Variants in UNC79 observed in about 807,000 individuals in gnomAD.
The protein encoded by UNC79 is unc-79 subunit of NALCN channel complex.
Under a neutral mutation model 283.1 loss-of-function variants are expected in UNC79, and 37 were observed. That is an observed-to-expected ratio of 0.13 (90% CI 0.10 to 0.17). The LOEUF is 0.17. Among genes scored for constraint, UNC79 ranks in the 10% least tolerant of loss-of-function variants. The probability of loss-of-function intolerance (pLI) is 1.00; values close to 1 mark genes in which losing one functional copy is unlikely to be tolerated. For missense variants in UNC79, 2,272 were observed against 3,211.1 expected, an observed-to-expected ratio of 0.71 and a Z score of 7.07; for synonymous variants, 1,107 against 1,200.2, an observed-to-expected ratio of 0.92 and a Z score of 1.61.
At chr14:93,611,670 A>T (rs1421437096) in intron 26 of UNC79, among the ~76,000 whole-genome samples, 1 of 152,144 alleles carries the variant, frequency 6.6e-6, no homozygotes, top group Non-Finnish European at 1.5e-5. Context: ...CATCCTTTAT[A>T]CCGTAATAAT....
intron 3 of UNC79, among the ~76,000 whole-genome samples, chr14:93,476,037 C>G (rs539662217): frequency 6.6e-6 from 1 of 152,118 alleles, no homozygotes; most frequent in Non-Finnish European, 1.5e-5. Flanking sequence ...TGAAAAACAT[C>G]GGAATCACTG....
intron 45 of UNC79, 55 bp from the exon 49 acceptor site, chr14:93,691,694 G>T: frequency 6.3e-7 from 1 of 1,599,748 alleles, no homozygotes. Flanking sequence ...GGACTCCGTG[G>T]AGGGCCACAG....
chr14:93,430,894 C>G lies in UNC79; in HGVS notation c.-136C>G, dbSNP rs370987876. 9.3e-6 allele frequency: 5 copies of G among 538,834 alleles called. No individual in the cohort carries two copies. Among genetic ancestry groups the G allele is most frequent in the Non-Finnish European group, 1.6e-5 (5 of 304,810 alleles). 33.4% of individuals were successfully genotyped at this position (538,834 alleles called of 1,614,324 possible). On this transcript the variant is annotated 5_prime_UTR_variant, in exon 1 of 49. Coordinates refer to ENST00000555664, the Ensembl canonical transcript of UNC79. The surrounding 1 kb of genome is among the most constrained non-coding windows in gnomAD (Gnocchi z 4.6). ...GCGTTTTGTCCGAATGGTAGCGACA[C>G]GGGCCTAAGGGAGGGGGAAAGCGAG...
chr14:93,553,379 G>A (rs1335951731), intron 14 of UNC79, among the ~76,000 whole-genome samples: 1 of 152,128 alleles, frequency 6.6e-6, no homozygotes, highest in Non-Finnish European at 1.5e-5. Context: ...TGTTCTGCTT[G>A]ATATTTATGG....
chr14:93,399,245 C>T (rs544246108), intron 1 of UNC79, among the ~76,000 whole-genome samples: 2 of 152,192 alleles, frequency 1.3e-5, no homozygotes, highest in Non-Finnish European at 2.9e-5. Context: ...TCCCTCAACC[C>T]GTGGGGATTA....
At chr14:93,575,538 G>A (rs1156633454) in intron 17 of UNC79, among the ~76,000 whole-genome samples, 1 of 152,126 alleles carries the variant, frequency 6.6e-6, no homozygotes, top group Admixed American at 6.5e-5. Context: ...CACTTTGGGG[G>A]TGAGGAGTCT....
At chr14:93,623,665 C>A (rs530037868) in intron 30 of UNC79, among the ~76,000 whole-genome samples, 1 of 152,132 alleles carries the variant, frequency 6.6e-6, no homozygotes, top group Non-Finnish European at 1.5e-5. Context: ...GAGGCTGAGG[C>A]GGGCAGATCA....
At chr14:93,663,210 T>C (rs971062790) in intron 40 of UNC79, among the ~76,000 whole-genome samples, 1 of 152,172 alleles carries the variant, frequency 6.6e-6, no homozygotes, top group Admixed American at 6.5e-5. Flanking sequence ...TCTTATCTCA[T>C]CTTTTGTCAT....
At chr14:93,693,064 T>G (rs2074825518) in intron 46 of UNC79, among the ~76,000 whole-genome samples, 1 of 152,230 alleles carries the variant, frequency 6.6e-6, no homozygotes, top group Non-Finnish European at 1.5e-5. Context: ...TATTTTCTTT[T>G]GGTTCTTAAT....
rs1024101969 is a variant in UNC79, at chr14:93,531,368, C to T, written c.1094-1182C>T. Among the ~76,000 whole-genome samples the T allele has an allele frequency of 6.6e-6, 1 of 152,146 alleles. No individual in the cohort carries two copies. Among genetic ancestry groups the T allele is most frequent in the African/African-American group, 2.4e-5 (1 of 41,428 alleles). On this transcript the variant is annotated intron_variant, in intron 10 of 48. Coordinates refer to ENST00000555664, the Ensembl canonical transcript of UNC79. This position sits in a 1 kb window ranked among gnomAD's most constrained non-coding sequence, Gnocchi z 4.2. ...CTTTGATCTTTTAAATAAATTGTAACATAGACTATAAATAAGGTGTTAGTT... is the reference window on the plus strand; with the variant it reads ...CTTTGATCTTTTAAATAAATTGTAATATAGACTATAAATAAGGTGTTAGTT...
intron 4 of UNC79, among the ~76,000 whole-genome samples, chr14:93,485,757 G>A (rs571660468): frequency 8.5e-5 from 13 of 152,240 alleles, no homozygotes; most frequent in South Asian, 4.2e-4. Context: ...TATCACCGGC[G>A]TAGGCAGCTG....
intron 7 of UNC79, among the ~76,000 whole-genome samples, chr14:93,523,035 C>A (rs529381712): frequency 6.6e-6 from 1 of 152,274 alleles, no homozygotes; most frequent in East Asian, 1.9e-4. Flanking sequence ...CAAATTCCCA[C>A]GTATTAAGAA....
chr14:93,577,048 A>C (rs1178200288), intron 17 of UNC79, among the ~76,000 whole-genome samples: 1 of 134,512 alleles, frequency 7.4e-6, no homozygotes, highest in African/African-American at 2.5e-5. Flanking sequence ...AATTTTCAAA[A>C]ACTTAGCTGG....
intron 17 of UNC79, 97 bp from the exon 18 acceptor site, chr14:93,577,745 A>G: frequency 8.4e-7 from 1 of 1,194,912 alleles, no homozygotes. Context: ...AATAAGTGTG[A>G]CAGCTGGAAA....
At chr14:93,345,367 A>C (rs897937959) in intron 1 of UNC79, among the ~76,000 whole-genome samples, 1 of 152,250 alleles carries the variant, frequency 6.6e-6, no homozygotes, top group Non-Finnish European at 1.5e-5. Context: ...ATGAAATGAC[A>C]ACCAAGGATC....
In UNC79 at chr14:93,690,766, GC is replaced by G; in HGVS notation, c.7272+464del. ...GAAGGCCAGTTGGGAACTCACTAAA[GC>G]ACACATTGGCATGACCTACACAGGG... On this transcript the variant is annotated intron_variant, in intron 45 of 48. Transcript: ENST00000555664. The surrounding 1 kb of genome is among the most constrained non-coding windows in gnomAD (Gnocchi z 4.3). 2 of 161,146 alleles carry G rather than the reference GC, an allele frequency of 1.2e-5. No individual in the cohort carries two copies. Among genetic ancestry groups the G allele is most frequent in the South Asian group, 1.8e-4 (1 of 5,650 alleles). 10.0% of individuals were successfully genotyped at this position (161,146 alleles called of 1,614,324 possible).
At chr14:93,464,360 C>T (rs1255202159) in intron 1 of UNC79, among the ~76,000 whole-genome samples, 1 of 152,210 alleles carries the variant, frequency 6.6e-6, no homozygotes, top group Non-Finnish European at 1.5e-5. Context: ...TGCCTTCTCT[C>T]TCTGTCCTCA....
chr14:93,390,659 T>C (rs61991338), intron 1 of UNC79, among the ~76,000 whole-genome samples: 9,971 of 152,224 alleles, frequency 0.066, 607 homozygotes, highest in East Asian at 0.34. Context: ...TAGTTCTGTA[T>C]GTCAGCCACA....
At chr14:93,429,288 A>G (rs2055799249), upstream of UNC79, among the ~76,000 whole-genome samples, 1 of 152,206 alleles carries the variant, frequency 6.6e-6, no homozygotes, top group Non-Finnish European at 1.5e-5. Context: ...TAATAAATGG[A>G]ACTTCTCTTT....
Sources: gnomAD v4.1 joint callset for allele counts (sites outside exome capture counted in the v4.1 genomes callset) on GRCh38, gnomAD v4.1.1 for gene constraint, Gnocchi (gnomAD v3.1) non-coding constraint, MANE v1.5 for transcripts, NCBI Gene and HGNC (gene_info 2026-07-23, HGNC 2026-07-21) for gene names.